HECW1: variants seen among roughly 807,000 people sequenced by gnomAD.
HECW1 encodes the protein HECT, C2 and WW domain containing E3 ubiquitin protein ligase 1.
HECW1 carries 61 observed loss-of-function variants against 182.3 expected under a neutral mutation model. The ratio of observed to expected loss-of-function variants is 0.33; its 90% CI spans 0.27 to 0.41. HECW1 has a LOEUF of 0.41. Ranked by LOEUF, HECW1 falls within the 10% of genes least tolerant of loss-of-function variation. The probability of loss-of-function intolerance (pLI) is 1.00; values close to 1 mark genes in which losing one functional copy is unlikely to be tolerated. For missense variants in HECW1, 1,739 were observed against 2,108.9 expected, an observed-to-expected ratio of 0.82 and a Z score of 3.44; for synonymous variants, 859 against 832.6, an observed-to-expected ratio of 1.03 and a Z score of -0.55.
In HECW1 at chr7:43,508,269, G is replaced by T. The variant is rs1380552798; in HGVS notation, c.3866+138G>T. Reference sequence around the variant, plus strand: ...TGCGATTCTGATCACATTCTCCCAGGAGGTCCTTCTTTTCAGGTATTGCCA... The same window carrying T: ...TGCGATTCTGATCACATTCTCCCAGTAGGTCCTTCTTTTCAGGTATTGCCA... On this transcript the variant is annotated intron_variant, in intron 23 of 29. Coordinates refer to ENST00000395891, the MANE Select transcript of HECW1 (RefSeq NM_015052.5). The T allele has an allele frequency of 2.6e-5, 15 of 584,078 alleles. No individual in the cohort carries two copies. The East Asian group carries it at 4.2e-4, about 17-fold the overall frequency. 36.2% of individuals were successfully genotyped at this position (584,078 alleles called of 1,614,324 possible). A position where few individuals can be genotyped will look rare whatever the true frequency, so the allele number is the denominator to read the frequency against.
At chr7:43,430,779 T>TTATTATTATTATTATTATTA (rs1554410944) in intron 8 of HECW1, among the ~76,000 whole-genome samples, 7 of 141,736 alleles carry the variant, frequency 4.9e-5, no homozygotes, top group African/African-American at 1.8e-4. Flanking sequence ...TTTATTTTTC[T>TTATTATTATTATTATTATTA]TTATTATTAT....
In HECW1 at chr7:43,488,384, AAGGAAG is replaced by A. The variant is rs1563045100; in HGVS notation, c.3235-3690_3235-3685del. Among the ~76,000 whole-genome samples, 551 of 78,956 alleles carry A rather than the reference AAGGAAG, an allele frequency of 7.0e-3. 26 individuals carry two copies. Among genetic ancestry groups the A allele is most frequent in the Admixed American group, 0.013 (94 of 7,360 alleles). The allele number at this position is 78,956 out of a possible 152,430, so 51.8% of individuals were successfully genotyped here. A position where few individuals can be genotyped will look rare whatever the true frequency, so the allele number is the denominator to read the frequency against. On this transcript the variant is annotated intron_variant, in intron 17 of 29. Coordinates refer to ENST00000395891, the MANE Select transcript of HECW1 (RefSeq NM_015052.5). Reference sequence around the variant, plus strand: ...GAAGGAAGGAAGGAAGGAAGGAAGGAAGGAAGGAAGGAAGGAAATGAAAGAAAGAGA... The same window carrying A: ...GAAGGAAGGAAGGAAGGAAGGAAGGAGAAGGAAGGAAATGAAAGAAAGAGA...
intron 3 of HECW1, among the ~76,000 whole-genome samples, chr7:43,276,443 A>G (rs573657460): frequency 2.2e-5 from 3 of 139,180 alleles, no homozygotes; most frequent in African/African-American, 9.8e-5. Context: ...AAGAGACTAC[A>G]TTTTAAAAAA....
At chr7:43,124,146 C>T (rs1276630520) in intron 2 of HECW1, among the ~76,000 whole-genome samples, 2 of 152,148 alleles carry the variant, frequency 1.3e-5, no homozygotes, top group South Asian at 2.1e-4. Flanking sequence ...ATGTAATCGA[C>T]GCACTATTTT....
rs1333487376 is a variant in HECW1 at position 43,565,329 on chromosome 7, A to G, written c.*3403A>G. 4.8e-6 allele frequency: 1 copy of G among 206,904 alleles called. No homozygotes were observed. Among genetic ancestry groups the G allele is most frequent in the African/African-American group, 2.3e-5 (1 of 43,838 alleles). 12.8% of individuals were successfully genotyped at this position (206,904 alleles called of 1,614,324 possible). A position where few individuals can be genotyped will look rare whatever the true frequency, so the allele number is the denominator to read the frequency against. ...CATGCAAGATCTAAATTTTCTTTTA[A>G]TACATGACCATATGTCCTTGAACAG... On this transcript the variant is annotated 3_prime_UTR_variant, in exon 30 of 30. Transcript: ENST00000395891.
At chr7:43,468,182 T>TACACAC (rs781272144) in intron 15 of HECW1, among the ~76,000 whole-genome samples, 1 of 151,836 alleles carries the variant, frequency 6.6e-6, no homozygotes, top group Middle Eastern at 3.4e-3. Flanking sequence ...CCCCTACACA[T>TACACAC]ACACACACAC....
intron 17 of HECW1, among the ~76,000 whole-genome samples, chr7:43,480,642 TATG>T (rs1202469347): frequency 3.4e-5 from 5 of 146,368 alleles, no homozygotes; most frequent in Admixed American, 1.3e-4. Context: ...TGTGTGTACA[TATG>T]TGTGTGTGTG....
At chr7:43,274,905 A>G (rs977874516) in intron 3 of HECW1, among the ~76,000 whole-genome samples, 2 of 152,172 alleles carry the variant, frequency 1.3e-5, no homozygotes, top group South Asian at 2.1e-4. Flanking sequence ...TTTGCCTATC[A>G]TATTAAAAAA....
chr7:43,177,087 A>G (rs1404621133), intron 2 of HECW1, among the ~76,000 whole-genome samples: 1 of 152,184 alleles, frequency 6.6e-6, no homozygotes, highest in African/African-American at 2.4e-5. Flanking sequence ...CTGAAATTGT[A>G]GGCAAACATT....
In HECW1 at chr7:43,445,052, C is replaced by T. The variant is rs201389596; in HGVS notation, c.1880C>T (p.Thr627Met). ...GAGCCCGAGGGGGCTACTCCAGGCA[C>T]GGCGCACCCTGGCCACTCCGGGGGC... ...REEPEGATPG[T>M]AHPGHSGGHF... Residue 627 changes from threonine (T) to methionine (M), a missense_variant, in exon 11 of 30, where the codon ACG (threonine) becomes ATG (methionine). Transcript: ENST00000395891. The T allele has an allele frequency of 1.3e-4, 209 of 1,580,108 alleles. 1 individual carries two copies. The African/African-American group carries it at 2.4e-3, about 18-fold the overall frequency.
At chr7:43,370,371 G>A (rs538481559) in intron 6 of HECW1, among the ~76,000 whole-genome samples, 11 of 152,332 alleles carry the variant, frequency 7.2e-5, no homozygotes, top group Non-Finnish European at 1.3e-4. Context: ...CAAGGATATG[G>A]AGCAACAGGA....
Position 43,463,705 on chromosome 7 carries a change from A to G in HECW1, c.2697A>G (p.Glu899=). 1 of 1,614,086 alleles carries G rather than the reference A, an allele frequency of 6.2e-7. No homozygotes were observed. Among genetic ancestry groups the G allele is most frequent in the South Asian group, 1.1e-5 (1 of 91,080 alleles). ...QRTIATERSE[E]DSGSQSCEQA... ...CCATTGCAACAGAGAGGTCCGAAGAAGATTCTGGCAGCCAAAGCTGCGAGC... is the reference window on the plus strand; with the variant it reads ...CCATTGCAACAGAGAGGTCCGAAGAGGATTCTGGCAGCCAAAGCTGCGAGC... Residue 899 remains glutamate, a synonymous_variant, in exon 14 of 30, where the codon GAA becomes GAG. Transcript: ENST00000395891.
chr7:43,539,025 G>A (rs183003297), intron 24 of HECW1, among the ~76,000 whole-genome samples: 1 of 151,818 alleles, frequency 6.6e-6, no homozygotes, highest in African/African-American at 2.4e-5. Flanking sequence ...TTTCCAGTTT[G>A]TAACCAAAAA....
intron 14 of HECW1, 58 bp from the exon 15 acceptor site, chr7:43,466,389 A>C: frequency 3.2e-6 from 5 of 1,580,506 alleles, no homozygotes; most frequent in Non-Finnish European, 4.3e-6. Context: ...AGCGAAGTAC[A>C]GAGGTTGAAA....
In HECW1 at chr7:43,513,426, C is replaced by T. The variant is rs111634663; in HGVS notation, c.4019+4305C>T. On this transcript the variant is annotated intron_variant, in intron 24 of 29. Transcript: ENST00000395891. ...AAGACATCAATGGAGAAACCCCTGA[C>T]AGTGTGTCCTTCCTCTGAAAGCTCC... 1.2e-3 allele frequency among the ~76,000 whole-genome samples: 186 copies of T among 152,342 alleles called. 1 individual carries two copies. Among genetic ancestry groups the T allele is most frequent in the African/African-American group, 4.4e-3 (182 of 41,584 alleles).
intron 8 of HECW1, among the ~76,000 whole-genome samples, chr7:43,420,593 T>C (rs1429267893): frequency 6.6e-6 from 1 of 152,158 alleles, no homozygotes; most frequent in African/African-American, 2.4e-5. Flanking sequence ...TTACCCAAAC[T>C]ACCCAAATTA....
At chr7:43,173,844 T>A (rs909398208) in intron 2 of HECW1, among the ~76,000 whole-genome samples, 1 of 135,572 alleles carries the variant, frequency 7.4e-6, no homozygotes, top group Non-Finnish European at 1.6e-5. Flanking sequence ...TTGTTTTAAA[T>A]GATTTTTTTT....
At chr7:43,395,014 G>A (rs1376463580) in intron 6 of HECW1, among the ~76,000 whole-genome samples, 1 of 142,274 alleles carries the variant, frequency 7.0e-6, no homozygotes, top group Non-Finnish European at 1.5e-5. Flanking sequence ...CAGTTCCTGG[G>A]TGGGGGCCAC....
chr7:43,356,097 T>C (rs1422460559), intron 5 of HECW1, among the ~76,000 whole-genome samples: 1 of 152,104 alleles, frequency 6.6e-6, no homozygotes, highest in Admixed American at 6.6e-5. Context: ...ATTCTCTAAT[T>C]AAAAGGGATA....
Sources: gnomAD v4.1 joint callset for allele counts (sites outside exome capture counted in the v4.1 genomes callset) on GRCh38, gnomAD v4.1.1 for gene constraint, MANE v1.5 for transcripts, NCBI Gene and HGNC (gene_info 2026-07-23, HGNC 2026-07-21) for gene names.